ISL2: variants seen among roughly 807,000 people sequenced by gnomAD.
ISL2 encodes ISL LIM homeobox 2, also known as insulin gene enhancer protein ISL-2.
Under a neutral mutation model 34.6 loss-of-function variants are expected in ISL2, and 17 were observed. The observed-to-expected ratio is 0.49, with a 90% CI of 0.34 to 0.74. The LOEUF (loss-of-function observed/expected upper bound fraction) is 0.74, where lower values mean the gene tolerates loss of function less well. ISL2 is among the 30% of genes least tolerant of loss of function. ISL2 has a pLI of 0.01. For missense variants in ISL2, 469 were observed against 515.2 expected (o/e 0.91, Z 0.87); for synonymous variants, 232 against 225.5 (o/e 1.03, Z -0.26).
chr15:76,336,827 C>A lies in ISL2; in HGVS notation c.-57C>A, dbSNP rs2203821. 1 of 1,508,650 alleles carries A rather than the reference C, an allele frequency of 6.6e-7. No homozygotes were observed. The highest frequency in any genetic ancestry group is 9.2e-7 in the Non-Finnish European group (1 of 1,084,530). The allele number at this position is 1,508,650 out of a possible 1,614,324, so 93.5% of individuals were successfully genotyped here. A position where few individuals can be genotyped will look rare whatever the true frequency, so the allele number is the denominator to read the frequency against. On this transcript the variant is annotated 5_prime_UTR_variant, in exon 1 of 6. Coordinates refer to ENST00000290759, the MANE Select transcript of ISL2 (RefSeq NM_145805.3). ...GTTAGCAAAGAGCCGAGGCCGGGCG[C>A]GCGACCCTCGTCCTTCTGCCCCTGG...
intron 3 of ISL2, chr15:76,338,845 T>A (rs1458527220): frequency 8.1e-6 from 8 of 985,216 alleles, no homozygotes; most frequent in Non-Finnish European, 9.6e-6. Context: ...GTCTTGGGGC[T>A]TGTATTAGGA....
chr15:76,339,948 T>G, intron 3 of ISL2: 1 of 1,152,404 alleles, frequency 8.7e-7, no homozygotes, highest in Non-Finnish European at 1.1e-6. Flanking sequence ...GCTTCGCTCG[T>G]TCCGAGGGTC....
chr15:76,341,355 A>C, intron 5 of ISL2, 54 bp downstream of exon 5: 1 of 1,474,090 alleles, frequency 6.8e-7, no homozygotes, highest in Admixed American at 2.0e-5. Flanking sequence ...TTGGGGATTT[A>C]GCCACTTAGC....
chr15:76,339,864 C>A, intron 3 of ISL2: 1 of 1,017,452 alleles, frequency 9.8e-7, no homozygotes, highest in Non-Finnish European at 1.2e-6. Flanking sequence ...GGGTCCACGT[C>A]GGTCCCTTTC....
At chr15:76,337,193 T>C (rs2040156987) in intron 1 of ISL2, among the ~76,000 whole-genome samples, 1 of 151,980 alleles carries the variant, frequency 6.6e-6, no homozygotes, top group South Asian at 2.1e-4. Flanking sequence ...TGCTTCTGTT[T>C]TGCGCAAAGG....
chr15:76,339,899 T>C (rs2040180751), intron 3 of ISL2: 2 of 1,061,018 alleles, frequency 1.9e-6, no homozygotes, highest in Admixed American at 4.9e-5. Context: ...TGGGCAAGCC[T>C]CTTTCCTCTT....
intron 3 of ISL2, chr15:76,339,717 C>CGTCCA (rs1297370722): frequency 1.0e-6 from 1 of 985,712 alleles, no homozygotes; most frequent in Non-Finnish European, 1.2e-6. Flanking sequence ...CCTGGAGGCC[C>CGTCCA]GTCCATAACC....
At position 76,342,292 on chromosome 15, in the gene ISL2, C is replaced by T. The variant is rs1596241606; in HGVS notation, c.*457C>T. ...GGAACAGACACTCAAACTCCCAAAG[C>T]GCATGATTGCTGGGAAACAGTAGAA... On this transcript the variant is annotated 3_prime_UTR_variant, in exon 6 of 6. Transcript: ENST00000290759. 1 of 157,602 alleles carries T rather than the reference C, an allele frequency of 6.3e-6. No homozygotes were observed. 9.8% of individuals were successfully genotyped at this position (157,602 alleles called of 1,614,324 possible). A position where few individuals can be genotyped will look rare whatever the true frequency, so the allele number is the denominator to read the frequency against.
In ISL2 at chr15:76,338,445, G is replaced by C. The variant is rs561376415; in HGVS notation, c.442G>C (p.Glu148Gln). 4.5e-5 allele frequency: 65 copies of C among 1,443,566 alleles called. No individual in the cohort carries two copies. Among genetic ancestry groups the C allele is most frequent in the East Asian group, 2.1e-4 (7 of 32,772 alleles). 89.4% of individuals were successfully genotyped at this position (1,443,566 alleles called of 1,614,324 possible). A position where few individuals can be genotyped will look rare whatever the true frequency, so the allele number is the denominator to read the frequency against. Residue 148 changes from glutamate to glutamine, a missense_variant, in exon 3 of 6, where the codon GAG (glutamate) becomes CAG (glutamine). Physicochemically the swap from Glu to Gln is conservative, Grantham distance 29. Transcript: ENST00000290759. ...LCRADHGLLL[E>Q]RAAAGSPRSP... is the part of the protein sequence containing the mutation. ...CCGCGCCGACCACGGCCTCCTGCTC[G>C]AGCGCGCCGCGGCCGGCAGCCCGCG...
At chr15:76,338,608 T>A in intron 3 of ISL2, 94 bp downstream of exon 3, 2 of 1,245,670 alleles carry the variant, frequency 1.6e-6, no homozygotes, top group Non-Finnish European at 2.0e-6. Flanking sequence ...AAGTTGTCAG[T>A]TGTGTGTGGT....
At chr15:76,339,195 C>A (rs2040174412) in intron 3 of ISL2, 1 of 985,262 alleles carries the variant, frequency 1.0e-6, no homozygotes. Context: ...AAGGCAGTTT[C>A]CCCCAGGTAG....
chr15:76,338,058 G>C, intron 2 of ISL2, 91 bp downstream of exon 2: 2 of 1,325,920 alleles, frequency 1.5e-6, no homozygotes, highest in Non-Finnish European at 2.0e-6. Context: ...CCCCGGCCCT[G>C]CCCAGGGAGA....
At chr15:76,339,943 G>T in intron 3 of ISL2, 1 of 1,132,746 alleles carries the variant, frequency 8.8e-7, no homozygotes, top group East Asian at 5.1e-5. Context: ...GGAGGGCTTC[G>T]CTCGTTCCGA....
chr15:76,340,556 G>A lies in ISL2; in HGVS notation c.792G>A (p.Lys264=), dbSNP rs1247557667. 1 of 1,603,860 alleles carries A rather than the reference G, an allele frequency of 6.2e-7. No individual in the cohort carries two copies. The highest frequency in any genetic ancestry group is 8.5e-7 in the Non-Finnish European group (1 of 1,172,960). The change falls in exon 4 of 6, where the codon AAG becomes AAA. Residue 264 remains lysine (K), a synonymous_variant. Transcript: ENST00000290759. ...KQLQQQQHSD[K]TSLQGLTGTP... ...TGCAGCAGCAGCAGCACAGCGACAAGACGGTGAGCAGCCGCTGGGCCGGAG... is the reference window on the plus strand; with the variant it reads ...TGCAGCAGCAGCAGCACAGCGACAAAACGGTGAGCAGCCGCTGGGCCGGAG...
chr15:76,337,880 A>G lies in ISL2; in HGVS notation c.161A>G (p.Lys54Arg), dbSNP rs778006695. The change falls in exon 2 of 6, where the codon AAG (lysine) becomes AGG (arginine). Residue 54 changes from lysine to arginine, a missense_variant. Lys to Arg is a conservative substitution (Grantham distance 26, BLOSUM62 2). Around this residue, in one of 3 missense-constraint regions of ISL2, gnomAD observed 297 missense variants for 337.8 expected, o/e 0.88. Coordinates refer to ENST00000290759, the MANE Select transcript of ISL2 (RefSeq NM_145805.3). ...PDLEWHAACL[K>R]CAECSQYLDE... The stretch of plus-strand genomic sequence containing the variant: ...CTCGAGTGGCACGCGGCCTGCCTCA[A>G]GTGTGCCGAGTGCAGCCAGTACCTG... The G allele has an allele frequency of 8.1e-6, 13 of 1,612,572 alleles. No homozygotes were observed. The highest frequency in any genetic ancestry group is 1.3e-5 in the African/African-American group (1 of 74,898).
At position 76,340,333 on chromosome 15, in the gene ISL2, AGAC is replaced by A; in HGVS notation, c.573_575del (p.Thr192del). On this transcript the variant is annotated inframe_deletion, in exon 4 of 6. Transcript: ENST00000290759. ...CCGCACGTGCACAAGCAGACGGAGA[AGAC>A]GACCCGCGTGCGGACTGTGCTGAAC... 2 of 1,612,262 alleles carry A rather than the reference AGAC, an allele frequency of 1.2e-6. No individual in the cohort carries two copies. The highest frequency in any genetic ancestry group is 8.5e-7 in the Non-Finnish European group (1 of 1,179,842).
In ISL2 at chr15:76,336,931, T is replaced by G. The variant is rs549606238; in HGVS notation, c.48T>G (p.Asp16Glu). 5.6e-6 allele frequency: 9 copies of G among 1,611,400 alleles called. No individual in the cohort carries two copies. In the South Asian group the frequency reaches 9.9e-5, roughly 18 times the overall value. ...FHYPFLGAMG[D>E]HSKKKPGTAM... ...ATCCTTTTCTGGGTGCTATGGGTGA[T>G]CATTCCAAGAGTAAGTATTTCTGTG... The change falls in exon 1 of 6, where the codon GAT becomes GAG. Residue 16 changes from aspartate to glutamate, a missense_variant. Transcript: ENST00000290759.
intron 3 of ISL2, 185 bp downstream of exon 3, chr15:76,338,699 C>T (rs979967730): frequency 1.3e-5 from 13 of 985,196 alleles, no homozygotes; most frequent in East Asian, 1.1e-4. Flanking sequence ...CTCGTGTGCT[C>T]GGGAGAAACT....
chr15:76,340,427 G>A lies in ISL2; in HGVS notation c.663G>A (p.Lys221=), dbSNP rs1467531541. 1 of 1,613,850 alleles carries A rather than the reference G, an allele frequency of 6.2e-7. No homozygotes were observed. The highest frequency in any genetic ancestry group is 8.5e-7 in the Non-Finnish European group (1 of 1,180,000). The change falls in exon 4 of 6, where the codon AAG becomes AAA. Residue 221 remains lysine, a synonymous_variant. Transcript: ENST00000290759. The part of the protein sequence containing the change: ...AANPRPDALM[K]EQLVEMTGLS... ...ACCCGCGGCCCGACGCTCTCATGAA[G>A]GAGCAGCTGGTGGAGATGACCGGCC...
Sources: gnomAD v4.1 joint callset for allele counts (sites outside exome capture counted in the v4.1 genomes callset) on GRCh38, gnomAD v4.1.1 for gene constraint, gnomAD v4.1.1 regional missense constraint, MANE v1.5 for transcripts, NCBI Gene and HGNC (gene_info 2026-07-23, HGNC 2026-07-21) for gene names.